The following REC114 variants were observed in gnomAD, a reference collection of about 807,000 sequenced individuals.
REC114 encodes the protein REC114 meiotic recombination protein, also known as meiotic recombination protein REC114.
Under a neutral mutation model 31.3 loss-of-function variants are expected in REC114, and 27 were observed. That is an observed-to-expected ratio of 0.86 (90% CI 0.64 to 1.19). REC114 has a LOEUF of 1.19. REC114 is among the 50% of genes most tolerant of loss of function. REC114 has a pLI of 0.00. For synonymous variants in REC114, 134 were observed against 127.7 expected (o/e 1.05, Z -0.33); for missense variants, 344 against 326.9 (o/e 1.05, Z -0.40).
At chr15:73,557,826 C>G (rs1894493686) in intron 5 of REC114, among the ~76,000 whole-genome samples, 1 of 152,208 alleles carries the variant, frequency 6.6e-6, no homozygotes. Flanking sequence ...TTGCTCTTAT[C>G]TTTTGGACAT....
intron 1 of REC114, among the ~76,000 whole-genome samples, chr15:73,452,131 C>T (rs1892858902): frequency 6.6e-6 from 1 of 152,050 alleles, no homozygotes; most frequent in African/African-American, 2.4e-5. Context: ...AAGTTCTGGC[C>T]AGGGCAATCG....
At chr15:73,481,979 G>A (rs1214836616) in intron 2 of REC114, among the ~76,000 whole-genome samples, 1 of 151,998 alleles carries the variant, frequency 6.6e-6, no homozygotes, top group Non-Finnish European at 1.5e-5. Flanking sequence ...ATTTTTAAGT[G>A]TACATGTCAT....
intron 2 of REC114, among the ~76,000 whole-genome samples, chr15:73,539,360 G>A (rs1045926910): frequency 7.7e-6 from 1 of 130,442 alleles, no homozygotes; most frequent in Non-Finnish European, 1.5e-5. Context: ...GCGCAATCTC[G>A]GCTCACTGCA....
intron 2 of REC114, among the ~76,000 whole-genome samples, chr15:73,528,498 C>T (rs947449226): frequency 6.6e-6 from 1 of 152,058 alleles, no homozygotes; most frequent in Non-Finnish European, 1.5e-5. Flanking sequence ...TAAAACACAC[C>T]ATGGAGATAC....
chr15:73,443,456 G>A, intron 1 of REC114, 112 bp downstream of exon 1: 1 of 1,272,406 alleles, frequency 7.9e-7, no homozygotes, highest in Non-Finnish European at 1.0e-6. Flanking sequence ...GACACCGAGT[G>A]ACTGCCAGGC....
intron 1 of REC114, among the ~76,000 whole-genome samples, chr15:73,462,678 G>A (rs181147628): frequency 8.9e-4 from 136 of 152,198 alleles, no homozygotes; most frequent in Admixed American, 3.2e-3. Flanking sequence ...GAGGTCAGGA[G>A]ATTGAGACCA....
chr15:73,486,098 C>T (rs571760833), intron 2 of REC114, among the ~76,000 whole-genome samples: 2 of 152,194 alleles, frequency 1.3e-5, no homozygotes, highest in South Asian at 4.1e-4. Context: ...TCCACCATAC[C>T]TTTTTTCCTT....
chr15:73,453,153 A>T (rs940370225), intron 1 of REC114, among the ~76,000 whole-genome samples: 1 of 152,242 alleles, frequency 6.6e-6, no homozygotes, highest in Non-Finnish European at 1.5e-5. Flanking sequence ...TAAACTAAAG[A>T]GCTTCTGCAC....
chr15:73,496,135 C>T (rs553748653), intron 2 of REC114, among the ~76,000 whole-genome samples: 2 of 151,394 alleles, frequency 1.3e-5, no homozygotes, highest in East Asian at 2.0e-4. Context: ...AGGCAGATCA[C>T]GAGGTCAAGA....
At chr15:73,476,742 C>T (rs1893220430) in intron 2 of REC114, among the ~76,000 whole-genome samples, 1 of 152,134 alleles carries the variant, frequency 6.6e-6, no homozygotes, top group African/African-American at 2.4e-5. Context: ...GAAGAATATT[C>T]CATTGCATAG....
intron 1 of REC114, among the ~76,000 whole-genome samples, chr15:73,468,103 C>T (rs918960786): frequency 6.6e-6 from 1 of 152,160 alleles, no homozygotes; most frequent in African/African-American, 2.4e-5. Flanking sequence ...AACTTAATCA[C>T]ATATGCAAAA....
intron 3 of REC114, among the ~76,000 whole-genome samples, chr15:73,542,961 T>TATATA (rs796558723): frequency 1.3e-5 from 2 of 150,932 alleles, no homozygotes; most frequent in African/African-American, 4.9e-5. Flanking sequence ...TTTTTTTTTT[T>TATATA]TATATAAATT....
rs1033766928 is a variant in REC114, at chr15:73,443,365, T to A, written c.159+21T>A. 4 of 1,553,996 alleles carry A rather than the reference T, an allele frequency of 2.6e-6. No homozygotes were observed. The African/African-American group carries it at 5.5e-5, about 21-fold the overall frequency. On this transcript the variant is annotated intron_variant, in intron 1 of 5. Transcript: ENST00000331090. ...GGAAGGTGAGGCCCGAAGGCAGGAA[T>A]ATCCCTGAGGTGCCCACAGCCCTCA...
chr15:73,505,959 A>T (rs1893670063), intron 2 of REC114, among the ~76,000 whole-genome samples: 1 of 152,018 alleles, frequency 6.6e-6, no homozygotes. Context: ...CTACTAATGG[A>T]GCGGTTGAAG....
At chr15:73,470,585 G>C (rs748086633) in intron 1 of REC114, among the ~76,000 whole-genome samples, 26 of 152,038 alleles carry the variant, frequency 1.7e-4, no homozygotes, top group Non-Finnish European at 3.1e-4. Context: ...ACTATCCTAG[G>C]CATTTGAATA....
At position 73,443,241 on chromosome 15, in the gene REC114, CAG is replaced by C. The variant is rs1892721131; in HGVS notation, c.59_60del (p.Glu20ValfsTer36). ...CTCGGGCTTACCGGAGGAGAAGCGG[CAG>C]AGTGGCCTCTGCAGCGGTACGCCCG... On this transcript the variant is annotated frameshift_variant, in exon 1 of 6. Transcript: ENST00000331090. LOFTEE classifies it high-confidence loss of function. The C allele has an allele frequency of 1.9e-6, 3 of 1,574,170 alleles. No individual in the cohort carries two copies. The African/African-American group carries it at 4.1e-5, about 21-fold the overall frequency.
At chr15:73,557,310 T>C (rs1894483622) in intron 5 of REC114, among the ~76,000 whole-genome samples, 1 of 151,286 alleles carries the variant, frequency 6.6e-6, no homozygotes, top group Admixed American at 6.6e-5. Flanking sequence ...CCTCAAGTGA[T>C]TCCCCCACCT....
At chr15:73,520,091 C>T (rs910894998) in intron 2 of REC114, among the ~76,000 whole-genome samples, 3 of 151,960 alleles carry the variant, frequency 2.0e-5, no homozygotes, top group Non-Finnish European at 2.9e-5. Flanking sequence ...CTGAACTGTA[C>T]AGTTAAATAT....
chr15:73,496,712 G>A (rs898778502), intron 2 of REC114, among the ~76,000 whole-genome samples: 2 of 151,330 alleles, frequency 1.3e-5, no homozygotes, highest in Admixed American at 6.6e-5. Context: ...CATTCACCCA[G>A]CTTTCCCAAA....
Sources: allele counts gnomAD v4.1 joint callset (sites outside exome capture counted in the v4.1 genomes callset), GRCh38; gene constraint gnomAD v4.1.1; transcripts MANE v1.5; gene names NCBI Gene and HGNC (gene_info 2026-07-23, HGNC 2026-07-21).